Variants in PTPRT observed in about 807,000 individuals in gnomAD.
PTPRT encodes the protein protein tyrosine phosphatase receptor type T.
Under a neutral mutation model 176.8 loss-of-function variants are expected in PTPRT, and 56 were observed. The observed-to-expected ratio is 0.32, with a 90% confidence interval of 0.26 to 0.40. The LOEUF (loss-of-function observed/expected upper bound fraction) is 0.40. Among genes scored for constraint, PTPRT ranks in the 10% least tolerant of loss-of-function variants. The pLI, the probability that PTPRT is intolerant of heterozygous loss-of-function variation, is 1.00. For synonymous variants in PTPRT, 783 were observed against 739.0 expected, an observed-to-expected ratio of 1.06 and a Z score of -0.96; for missense variants, 1,540 against 1,908.2, an observed-to-expected ratio of 0.81 and a Z score of 3.60.
At chr20:43,175,719 G>A (rs3091891) in intron 1 of PTPRT, among the ~76,000 whole-genome samples, 6,511 of 67,510 alleles carry the variant, frequency 0.096, 40 homozygotes, top group African/African-American at 0.27. Context: ...CTGCACTCCA[G>A]CCTGGCAACA....
the PTPRT span, among the ~76,000 whole-genome samples, chr20:42,038,838 C>T: frequency 6.6e-6 from 1 of 152,194 alleles, no homozygotes; most frequent in Non-Finnish European, 1.5e-5. Flanking sequence ...CCTTGTGCTG[C>T]ATCAGCAGAG....
chr20:42,291,790 G>C (rs764472669), intron 12 of PTPRT, among the ~76,000 whole-genome samples: 1 of 152,110 alleles, frequency 6.6e-6, no homozygotes, highest in Non-Finnish European at 1.5e-5. Context: ...GTAAAACGAA[G>C]CTAGCGACAT....
At chr20:42,305,805 A>G (rs1471747533) in intron 12 of PTPRT, among the ~76,000 whole-genome samples, 1 of 152,218 alleles carries the variant, frequency 6.6e-6, no homozygotes, top group Non-Finnish European at 1.5e-5. Flanking sequence ...TATGGAGCTA[A>G]GAAACGGAAA....
chr20:42,329,630 T>A (rs146381490), intron 11 of PTPRT, among the ~76,000 whole-genome samples: 184 of 152,004 alleles, frequency 1.2e-3, no homozygotes, highest in African/African-American at 4.1e-3. Flanking sequence ...TCCCCAAACA[T>A]CATTAAAATG....
chr20:42,175,654 G>T (rs1211956147), intron 16 of PTPRT, among the ~76,000 whole-genome samples: 1 of 148,552 alleles, frequency 6.7e-6, no homozygotes, highest in East Asian at 2.0e-4. Context: ...AGATTTCTGT[G>T]TTTTTTTGCA....
intron 7 of PTPRT, among the ~76,000 whole-genome samples, chr20:42,612,150 A>C (rs185217476): frequency 1.3e-5 from 2 of 152,230 alleles, no homozygotes; most frequent in East Asian, 3.9e-4. Context: ...AGGGAGCATC[A>C]GTGTCAGGTG....
intron 9 of PTPRT, among the ~76,000 whole-genome samples, chr20:42,396,628 C>T (rs1442059874): frequency 1.3e-5 from 2 of 152,210 alleles, no homozygotes; most frequent in African/African-American, 4.8e-5. Flanking sequence ...GTGGTGTGAT[C>T]CCAGCTCACT....
intron 9 of PTPRT, among the ~76,000 whole-genome samples, chr20:42,436,714 G>T (rs1182257981): frequency 6.6e-6 from 1 of 152,158 alleles, no homozygotes; most frequent in Non-Finnish European, 1.5e-5. Context: ...TACAGGAGAA[G>T]GTAGGCACAA....
chr20:42,838,100 C>A (rs552592072), intron 2 of PTPRT, among the ~76,000 whole-genome samples: 1 of 152,282 alleles, frequency 6.6e-6, no homozygotes, highest in South Asian at 2.1e-4. Context: ...GATCTTGGCT[C>A]ACTGCAACTT....
At chr20:42,040,338 A>G in the PTPRT span, among the ~76,000 whole-genome samples, 1 of 152,134 alleles carries the variant, frequency 6.6e-6, no homozygotes, top group Non-Finnish European at 1.5e-5. Context: ...TTAGATTGCT[A>G]GAGTCTTTTT....
intron 1 of PTPRT, among the ~76,000 whole-genome samples, chr20:43,163,121 A>G (rs2014745036): frequency 6.6e-6 from 1 of 152,212 alleles, no homozygotes; most frequent in Non-Finnish European, 1.5e-5. Flanking sequence ...GAACTGTGGC[A>G]ATCCTTACAA....
intron 17 of PTPRT, among the ~76,000 whole-genome samples, chr20:42,147,830 G>T (rs1293798361): frequency 1.3e-5 from 2 of 152,184 alleles, no homozygotes; most frequent in Admixed American, 6.5e-5. Context: ...AGCAGAGGAG[G>T]GATGCCTAAT....
At chr20:42,895,712 C>T (rs2079284100) in intron 1 of PTPRT, among the ~76,000 whole-genome samples, 2 of 152,200 alleles carry the variant, frequency 1.3e-5, no homozygotes, top group South Asian at 4.1e-4. Context: ...TGTTGCATTT[C>T]ATATGATTTT....
intron 2 of PTPRT, among the ~76,000 whole-genome samples, chr20:42,797,378 T>C (rs142771105): frequency 1.3e-5 from 2 of 152,330 alleles, no homozygotes; most frequent in East Asian, 1.9e-4. Flanking sequence ...CTTTCTGAGA[T>C]ACAAAGCCAA....
chr20:42,115,162 T>C (rs762607879), intron 22 of PTPRT, 37 bp downstream of exon 22: 3 of 1,478,014 alleles, frequency 2.0e-6, no homozygotes, highest in South Asian at 1.1e-5. Flanking sequence ...CTGGCTCTCA[T>C]GGTGGACCGG....
intron 2 of PTPRT, among the ~76,000 whole-genome samples, chr20:42,829,187 G>T (rs941922943): frequency 1.3e-5 from 2 of 151,582 alleles, no homozygotes; most frequent in African/African-American, 4.9e-5. Context: ...GGAGCTTTAA[G>T]ATTTAATTAC....
Position 42,190,111 on chromosome 20 carries a change from G to T in PTPRT, c.2491+9129C>A, listed in dbSNP as rs532676991. Among the ~76,000 whole-genome samples, 4 of 149,628 alleles carry T rather than the reference G, an allele frequency of 2.7e-5. No individual in the cohort carries two copies. The South Asian group carries it at 8.4e-4, about 31-fold the overall frequency. Reference sequence around the variant, plus strand: ...TCCTGTAAGATATTCAATAAAACTGGAGGGGGCAAGCTTGTAACATTCAAT... The same window carrying T: ...TCCTGTAAGATATTCAATAAAACTGTAGGGGGCAAGCTTGTAACATTCAAT... On this transcript the variant is annotated intron_variant, in intron 16 of 30. Coordinates refer to ENST00000373187, the MANE Select transcript of PTPRT (RefSeq NM_007050.6).
chr20:42,438,457 G>C (rs2059282992), intron 9 of PTPRT, among the ~76,000 whole-genome samples: 1 of 152,166 alleles, frequency 6.6e-6, no homozygotes, highest in South Asian at 2.1e-4. Context: ...ACATAGCCCT[G>C]TGTCTCTGAT....
At chr20:42,932,431 G>C (rs1371049567) in intron 1 of PTPRT, among the ~76,000 whole-genome samples, 3 of 152,232 alleles carry the variant, frequency 2.0e-5, no homozygotes, top group Non-Finnish European at 4.4e-5. Flanking sequence ...AGAGAACTAA[G>C]CTGCAGCCCA....
Sources: gnomAD v4.1 joint callset for allele counts (sites outside exome capture counted in the v4.1 genomes callset) on GRCh38, gnomAD v4.1.1 for gene constraint, MANE v1.5 for transcripts, NCBI Gene and HGNC (gene_info 2026-07-23, HGNC 2026-07-21) for gene names.